Variants in RNF17 observed in about 807,000 individuals in gnomAD.
RNF17 encodes the protein ring finger protein 17.
A neutral mutation model predicts 200.5 loss-of-function variants in RNF17; 31 were observed. The ratio of observed to expected loss-of-function variants is 0.15; its 90% CI spans 0.12 to 0.21. RNF17 has a LOEUF of 0.21. Ranked by LOEUF, RNF17 falls within the 10% of genes least tolerant of loss-of-function variation. RNF17 has a pLI of 1.00. For missense variants in RNF17, 1,628 were observed against 1,905.1 expected (o/e 0.85, Z 2.71); for synonymous variants, 606 against 637.8 (o/e 0.95, Z 0.75).
intron 16 of RNF17, among the ~76,000 whole-genome samples, chr13:24,827,763 TA>T (rs1005151743): frequency 7.3e-6 from 1 of 136,932 alleles, no homozygotes; most frequent in East Asian, 2.2e-4. Context: ...TTCTAGAGTC[TA>T]AAAAAGTCCA....
At chr13:24,836,484 A>C (rs754301342) in intron 18 of RNF17, among the ~76,000 whole-genome samples, 2 of 152,304 alleles carry the variant, frequency 1.3e-5, no homozygotes, top group Non-Finnish European at 2.9e-5. Flanking sequence ...ATAAAGGAAA[A>C]CCTATCAGAT....
At chr13:24,881,903 GATATATAGATACATCTAT>G (rs1953844991), downstream of RNF17, among the ~76,000 whole-genome samples, 1 of 97,782 alleles carries the variant, frequency 1.0e-5, no homozygotes, top group African/African-American at 3.5e-5. Context: ...CATCTATATA[GATATATAGATACATCTAT>G]ATAGATATAT....
intron 15 of RNF17, among the ~76,000 whole-genome samples, chr13:24,819,291 T>C (rs1887765345): frequency 6.6e-6 from 1 of 152,172 alleles, no homozygotes; most frequent in Admixed American, 6.5e-5. Flanking sequence ...GAATTTGTCT[T>C]TCTGTGACTG....
chr13:24,838,003 G>A (rs971857318), intron 18 of RNF17, among the ~76,000 whole-genome samples: 12 of 152,054 alleles, frequency 7.9e-5, no homozygotes, highest in Admixed American at 3.9e-4. Context: ...AAATGAAACA[G>A]GAGATATTAC....
At chr13:24,837,455 A>G (rs1486072576) in intron 18 of RNF17, among the ~76,000 whole-genome samples, 1 of 151,836 alleles carries the variant, frequency 6.6e-6, no homozygotes, top group African/African-American at 2.4e-5. Flanking sequence ...CTAAGACCAT[A>G]TGACCTCAAT....
At chr13:24,849,222 A>G (rs1261784590) in intron 22 of RNF17, among the ~76,000 whole-genome samples, 1 of 152,202 alleles carries the variant, frequency 6.6e-6, no homozygotes, top group Non-Finnish European at 1.5e-5. Flanking sequence ...GAAACTCTGG[A>G]ACTAGAAACC....
chr13:24,811,664 G>A (rs1473057181), intron 15 of RNF17, among the ~76,000 whole-genome samples: 6 of 152,126 alleles, frequency 3.9e-5, no homozygotes, highest in East Asian at 3.9e-4. Context: ...TCTCCGTCCC[G>A]CTTTGTTCTG....
In RNF17 at chr13:24,825,655, A is replaced by G. The variant is rs368259164; in HGVS notation, c.2128A>G (p.Ile710Val). Residue 710 changes from isoleucine (I) to valine (V), a missense_variant, in exon 16 of 36, where the codon ATC (isoleucine) becomes GTC (valine). Physicochemically the swap from Ile to Val is conservative, Grantham distance 29 (BLOSUM62 3). Coordinates refer to ENST00000255324, the MANE Select transcript of RNF17 (RefSeq NM_031277.3). ...GGATATTTTATTTCTATTAAAGACA[A>G]TCGAGGAATTCTATAAAAGTGAAGA... ...GLDILFLLKT[I>V]EEFYKSEDGE... is the part of the protein sequence containing the mutation. The G allele has an allele frequency of 2.2e-5, 36 of 1,604,734 alleles. 1 individual carries two copies. Among genetic ancestry groups the G allele is most frequent in the South Asian group, 4.4e-5 (4 of 90,836 alleles).
At chr13:24,858,166 T>A (rs1202905812) in intron 25 of RNF17, among the ~76,000 whole-genome samples, 4 of 152,188 alleles carry the variant, frequency 2.6e-5, no homozygotes, top group Admixed American at 2.0e-4. Flanking sequence ...TTTACTGAAA[T>A]TTTTCTCTCA....
chr13:24,868,776 A>C, intron 31 of RNF17, 60 bp downstream of exon 31: 1 of 929,124 alleles, frequency 1.1e-6, no homozygotes, highest in Non-Finnish European at 1.8e-6. Flanking sequence ...TTGGTCTTAA[A>C]CACTATAAGT....
At chr13:24,825,942 G>A (rs1344629159) in intron 16 of RNF17, 170 bp downstream of exon 16, 2 of 983,506 alleles carry the variant, frequency 2.0e-6, no homozygotes, top group Non-Finnish European at 2.4e-6. Flanking sequence ...TCTATCTTCT[G>A]ATATTTTGTT....
chr13:24,868,209 G>A (rs532115147), intron 30 of RNF17, among the ~76,000 whole-genome samples: 1 of 151,986 alleles, frequency 6.6e-6, no homozygotes, highest in Non-Finnish European at 1.5e-5. Flanking sequence ...GGTGGCTCAC[G>A]CCTCTAATCC....
chr13:24,768,991 CTTTT>C lies in RNF17; in HGVS notation c.225+1640_225+1643del, dbSNP rs34548311. On this transcript the variant is annotated intron_variant, in intron 2 of 35. Transcript: ENST00000255324. ...TTGTGGGAAATTCCTAACCTCTTCCCTTTTTTTTTTTTTTTTTTGACATGGAGCT... is the reference window on the plus strand; with the variant it reads ...TTGTGGGAAATTCCTAACCTCTTCCCTTTTTTTTTTTTTTGACATGGAGCT... Among the ~76,000 whole-genome samples, 6 of 105,714 alleles carry C rather than the reference CTTTT, an allele frequency of 5.7e-5. No homozygotes were observed. In the South Asian group the frequency reaches 1.4e-3, roughly 24 times the overall value. 69.4% of individuals were successfully genotyped at this position (105,714 alleles called of 152,430 possible). A position where few individuals can be genotyped will look rare whatever the true frequency, so the allele number is the denominator to read the frequency against.
At chr13:24,873,042 G>A (rs970367772) in intron 32 of RNF17, among the ~76,000 whole-genome samples, 1 of 152,098 alleles carries the variant, frequency 6.6e-6, no homozygotes, top group Non-Finnish European at 1.5e-5. Flanking sequence ...TACCATTAAA[G>A]AATTTTAAAT....
At chr13:24,862,246 T>C (rs9507424) in intron 27 of RNF17, among the ~76,000 whole-genome samples, 96,565 of 152,022 alleles carry the variant, frequency 0.64, 31,045 homozygotes, top group African/African-American at 0.75. Context: ...ACCTGAAGGA[T>C]CAACTGGGGA....
At chr13:24,839,750 G>A (rs1445961303) in intron 18 of RNF17, among the ~76,000 whole-genome samples, 1 of 152,122 alleles carries the variant, frequency 6.6e-6, no homozygotes, top group Non-Finnish European at 1.5e-5. Context: ...ATTAAAGACT[G>A]AAATCTAACA....
At chr13:24,782,014 T>C in intron 6 of RNF17, 70 bp downstream of exon 6, 1 of 1,003,128 alleles carries the variant, frequency 1.0e-6, no homozygotes, top group East Asian at 2.5e-5. Context: ...TGTATTCCTT[T>C]GTTTAGAATG....
intron 18 of RNF17, among the ~76,000 whole-genome samples, chr13:24,839,405 A>G (rs1890371449): frequency 6.6e-6 from 1 of 152,190 alleles, no homozygotes; most frequent in Admixed American, 6.5e-5. Context: ...ATATAGAACC[A>G]AAAAAGAGGC....
At chr13:24,801,990 TTTC>T (rs1307121499) in intron 13 of RNF17, among the ~76,000 whole-genome samples, 1 of 152,128 alleles carries the variant, frequency 6.6e-6, no homozygotes, top group Non-Finnish European at 1.5e-5. Context: ...CTTTCTTTTC[TTTC>T]TTCTTTTTTT....
Sources: allele counts gnomAD v4.1 joint callset (sites outside exome capture counted in the v4.1 genomes callset), GRCh38; gene constraint gnomAD v4.1.1; transcripts MANE v1.5; gene names NCBI Gene and HGNC (gene_info 2026-07-23, HGNC 2026-07-21).